EGFR: variants seen among roughly 807,000 people sequenced by gnomAD.
EGFR encodes the protein epidermal growth factor receptor.
A neutral mutation model predicts 143.0 loss-of-function variants in EGFR; 58 were observed. That is an observed-to-expected ratio of 0.41 (90% CI 0.33 to 0.50). The LOEUF (loss-of-function observed/expected upper bound fraction) is 0.50. Among genes scored for constraint, EGFR ranks in the 20% least tolerant of loss-of-function variants. The pLI is 0.39. For synonymous variants in EGFR, 613 were observed against 594.4 expected, an observed-to-expected ratio of 1.03 and a Z score of -0.45; for missense variants, 1,307 against 1,579.0, an observed-to-expected ratio of 0.83 and a Z score of 2.92.
rs2128958756 is a variant in EGFR, at chr7:55,181,424, C to G, written c.2415C>G (p.His805Gln). The G allele has an allele frequency of 1.2e-6, 2 of 1,614,228 alleles. No homozygotes were observed. The highest frequency in any genetic ancestry group is 1.7e-6 in the Non-Finnish European group (2 of 1,180,034). ...FGCLLDYVRE[H>Q]KDNIGSQYLL... ...GCCTCCTGGACTATGTCCGGGAACA[C>G]AAAGACAATATTGGCTCCCAGTACC... Residue 805 changes from histidine to glutamine, a missense_variant, in exon 20 of 28, where the codon CAC becomes CAG. His to Gln is a conservative substitution (Grantham distance 24). This residue lies in a region of EGFR where 348 missense variants were observed against 451.5 expected (regional missense o/e 0.77). Coordinates refer to ENST00000275493, the MANE Select transcript of EGFR (RefSeq NM_005228.5).
At position 55,207,290 on chromosome 7, in the gene EGFR, A is replaced by G. The variant is rs949714398; in HGVS notation, c.*1673A>G. The G allele has an allele frequency of 1.3e-5, 3 of 232,648 alleles. No individual in the cohort carries two copies. Among genetic ancestry groups the G allele is most frequent in the African/African-American group, 2.2e-5 (1 of 45,318 alleles). The allele number at this position is 232,648 out of a possible 1,614,324, so 14.4% of individuals were successfully genotyped here. On this transcript the variant is annotated 3_prime_UTR_variant, in exon 28 of 28. Coordinates refer to ENST00000275493, the MANE Select transcript of EGFR (RefSeq NM_005228.5). ...GCCCCTACAGCATTGTTAAGAAAGTATTTGATTTTTGTCTCAATGAAAATA... is the reference window on the plus strand; with the variant it reads ...GCCCCTACAGCATTGTTAAGAAAGTGTTTGATTTTTGTCTCAATGAAAATA...
chr7:55,107,391 ATTG>A (rs917411055), intron 1 of EGFR, among the ~76,000 whole-genome samples: 13 of 152,292 alleles, frequency 8.5e-5, no homozygotes, highest in African/African-American at 2.6e-4. Flanking sequence ...ACAGAGACCT[ATTG>A]TTTTTCCATT....
At chr7:55,169,067 A>G (rs1263626787) in intron 15 of EGFR, among the ~76,000 whole-genome samples, 2 of 151,922 alleles carry the variant, frequency 1.3e-5, no homozygotes, top group Admixed American at 1.3e-4. Context: ...GCAGCCACCC[A>G]GACGAGGGGG....
chr7:55,174,117 T>C (rs2128953935), intron 18 of EGFR, 74 bp downstream of exon 18: 6 of 1,595,910 alleles, frequency 3.8e-6, no homozygotes, highest in Non-Finnish European at 5.1e-6. Flanking sequence ...CCAGAGTCCT[T>C]GCAAGCTGTA....
At chr7:55,170,405 G>C (rs754446310) in intron 15 of EGFR, 2 of 1,614,062 alleles carry the variant, frequency 1.2e-6, no homozygotes, top group East Asian at 4.5e-5. Context: ...CAGAGCGGGA[G>C]CCCAGCTGCT....
At chr7:55,027,447 T>C (rs1177210789) in intron 1 of EGFR, among the ~76,000 whole-genome samples, 3 of 152,236 alleles carry the variant, frequency 2.0e-5, no homozygotes, top group Non-Finnish European at 4.4e-5. Flanking sequence ...TGCTAAGGCA[T>C]TAGAATTTCC....
At chr7:55,051,576 C>T (rs777372547) in intron 1 of EGFR, among the ~76,000 whole-genome samples, 15 of 152,156 alleles carry the variant, frequency 9.9e-5, no homozygotes, top group African/African-American at 1.7e-4. Flanking sequence ...TTCAGAACCA[C>T]GAGCCAGACA....
intron 1 of EGFR, among the ~76,000 whole-genome samples, chr7:55,125,986 G>GCTCT (rs2128916974): frequency 6.6e-6 from 1 of 152,242 alleles, no homozygotes; most frequent in African/African-American, 2.4e-5. Flanking sequence ...ATCTCTGCTA[G>GCTCT]GCTCTGTTCA....
At chr7:55,042,532 C>T (rs1787953485) in intron 1 of EGFR, among the ~76,000 whole-genome samples, 1 of 152,012 alleles carries the variant, frequency 6.6e-6, no homozygotes, top group Admixed American at 6.6e-5. Context: ...CAAGATTGCC[C>T]CTGTTTTCTA....
intron 1 of EGFR, among the ~76,000 whole-genome samples, chr7:55,115,870 TG>T (rs1191332086): frequency 2.0e-5 from 3 of 152,184 alleles, no homozygotes; most frequent in Admixed American, 6.5e-5. Context: ...CAGGACAACA[TG>T]GTTTGCCATA....
intron 1 of EGFR, among the ~76,000 whole-genome samples, chr7:55,137,276 C>A (rs1184427780): frequency 6.6e-6 from 1 of 152,160 alleles, no homozygotes; most frequent in Non-Finnish European, 1.5e-5. Flanking sequence ...CCAGCTCATA[C>A]CTCAGCAGCC....
chr7:55,189,331 G>A (rs1787285612), intron 20 of EGFR, among the ~76,000 whole-genome samples: 1 of 152,136 alleles, frequency 6.6e-6, no homozygotes, highest in African/African-American at 2.4e-5. Flanking sequence ...GTCGTGTGGG[G>A]ACTGGGATAG....
chr7:55,105,077 T>A (rs1367988632), intron 1 of EGFR, among the ~76,000 whole-genome samples: 1 of 152,208 alleles, frequency 6.6e-6, no homozygotes, highest in East Asian at 1.9e-4. Context: ...AATGGATGTT[T>A]GCTTTTGATT....
At chr7:55,108,209 T>C (rs1792251834) in intron 1 of EGFR, among the ~76,000 whole-genome samples, 1 of 152,172 alleles carries the variant, frequency 6.6e-6, no homozygotes, top group African/African-American at 2.4e-5. Context: ...GAAATGGCCA[T>C]AGGCCATTCC....
chr7:55,041,024 A>G (rs11974707), intron 1 of EGFR, among the ~76,000 whole-genome samples: 5,815 of 152,352 alleles, frequency 0.038, 203 homozygotes, highest in South Asian at 0.13. Context: ...GGATCACAGC[A>G]GTAGAGGACT....
At chr7:55,174,632 A>G in intron 18 of EGFR, 90 bp from the exon 19 acceptor site, 2 of 1,129,994 alleles carry the variant, frequency 1.8e-6, no homozygotes, top group South Asian at 2.5e-5. Flanking sequence ...TTCGGGGTGC[A>G]TCGCTGGTAA....
intron 1 of EGFR, chr7:55,110,025 ATGT>A (rs1316858881): frequency 1.2e-6 from 1 of 864,142 alleles, no homozygotes. Flanking sequence ...CACACAGTGT[ATGT>A]TGTTATGAGG....
rs1788107088 is a variant in EGFR at position 55,206,380 on chromosome 7, A to G, written c.*763A>G. ...TTGTCTTCCATTCCATTGTTTTGAA[A>G]CTCAGTATGCTGCCCCTGTCTTGCT... On this transcript the variant is annotated 3_prime_UTR_variant, in exon 28 of 28. Coordinates refer to ENST00000275493, the MANE Select transcript of EGFR (RefSeq NM_005228.5). 1 of 233,284 alleles carries G rather than the reference A, an allele frequency of 4.3e-6. No individual in the cohort carries two copies. The highest frequency in any genetic ancestry group is 6.0e-5 in the East Asian group (1 of 16,590). 14.5% of individuals were successfully genotyped at this position (233,284 alleles called of 1,614,324 possible). A position where few individuals can be genotyped will look rare whatever the true frequency, so the allele number is the denominator to read the frequency against.
chr7:55,143,586 G>C (rs1412143276), intron 3 of EGFR, 98 bp downstream of exon 3: 1 of 1,409,350 alleles, frequency 7.1e-7, no homozygotes, highest in Non-Finnish European at 9.9e-7. Context: ...CTCGGAGAAG[G>C]CTTTTATTTT....
Sources: allele counts gnomAD v4.1 joint callset (sites outside exome capture counted in the v4.1 genomes callset), GRCh38; gene constraint gnomAD v4.1.1; regional missense constraint gnomAD v4.1.1; transcripts MANE v1.5; gene names NCBI Gene and HGNC (gene_info 2026-07-23, HGNC 2026-07-21).